Variants in ASPG observed in about 807,000 individuals in gnomAD.
ASPG encodes asparaginase.
A neutral mutation model predicts 63.2 loss-of-function variants in ASPG; 53 were observed. The ratio of observed to expected loss-of-function variants is 0.84; its 90% CI spans 0.67 to 1.05. ASPG has a LOEUF of 1.05. Ranked by LOEUF, ASPG falls within the 50% of genes least tolerant of loss-of-function variation. ASPG has a pLI of 0.00. For missense variants in ASPG, 741 were observed against 794.4 expected, an observed-to-expected ratio of 0.93 and a Z score of 0.81; for synonymous variants, 370 against 355.0, an observed-to-expected ratio of 1.04 and a Z score of -0.48.
chr14:104,099,560 G>A (rs1263039039), intron 6 of ASPG, among the ~76,000 whole-genome samples: 4 of 152,196 alleles, frequency 2.6e-5, no homozygotes, highest in Non-Finnish European at 5.9e-5. Context: ...TGGCCTGCCC[G>A]GAAGTCACTC....
At chr14:104,112,067 C>T in intron 15 of ASPG, 67 bp downstream of exon 15, 2 of 1,428,250 alleles carry the variant, frequency 1.4e-6, no homozygotes, top group Non-Finnish European at 1.9e-6. Flanking sequence ...TGGATCCTGG[C>T]TCGGGGGGGC....
rs549658676 is a variant in ASPG, at chr14:104,098,293, G to T, written c.514-560G>T. ...GTTGCAGCCAGCAGGGCTCTGAAGG[G>T]TGTCACTTTCCCTCCCCCATGTCTT... is the stretch of plus-strand genomic sequence containing the variant. On this transcript the variant is annotated intron_variant, in intron 5 of 15. Transcript: ENST00000551177. Among the ~76,000 whole-genome samples the T allele has an allele frequency of 5.8e-4, 88 of 152,296 alleles. 1 individual carries two copies. The highest frequency in any genetic ancestry group is 1.0e-3 in the Non-Finnish European group (71 of 67,998).
chr14:104,111,088 G>A (rs1327142145), intron 13 of ASPG: 7 of 985,324 alleles, frequency 7.1e-6, no homozygotes, highest in South Asian at 4.7e-5. Context: ...TGTGTAACAC[G>A]AAACTGGCGT....
chr14:104,103,418 A>G, intron 6 of ASPG, 145 bp from the exon 7 acceptor site: 1 of 670,414 alleles, frequency 1.5e-6, no homozygotes, highest in Non-Finnish European at 2.6e-6. Flanking sequence ...GCGGGAGAGG[A>G]GGCAGGGCGA....
In ASPG at chr14:104,109,890, CAG is replaced by C. The variant is rs1375172772; in HGVS notation, c.1520+576_1520+577del. ...TCATGCTGCCGAGTGACCACCGAGG[CAG>C]GCTCAGGCCTTCTGACATCATGTTG... On this transcript the variant is annotated intron_variant, in intron 13 of 15. Transcript: ENST00000551177. The surrounding 1 kb of genome is among the most constrained non-coding windows in gnomAD (Gnocchi z 4.8). 6.4e-6 allele frequency: 6 copies of C among 940,884 alleles called. No individual in the cohort carries two copies. Among genetic ancestry groups the C allele is most frequent in the Non-Finnish European group, 7.6e-6 (6 of 789,478 alleles). The allele number at this position is 940,884 out of a possible 1,614,324, so 58.3% of individuals were successfully genotyped here.
At position 104,093,652 on chromosome 14, in the gene ASPG, TGAG is replaced by T. The variant is rs771218994; in HGVS notation, c.303+52_303+54del. The T allele has an allele frequency of 1.7e-5, 15 of 861,074 alleles. No individual in the cohort carries two copies. The African/African-American group carries it at 2.9e-4, about 17-fold the overall frequency. The allele number at this position is 861,074 out of a possible 1,614,324, so 53.3% of individuals were successfully genotyped here. A position where few individuals can be genotyped will look rare whatever the true frequency, so the allele number is the denominator to read the frequency against. ...TGGGGCTGTGGTGTGTGGGTGGGGC[TGAG>T]GTGTGTGGGTGGGGCTGTGGTGTGT... On this transcript the variant is annotated intron_variant, in intron 3 of 15. Coordinates refer to ENST00000551177, the MANE Select transcript of ASPG (RefSeq NM_001080464.3).
intron 10 of ASPG, 101 bp downstream of exon 10, chr14:104,105,551 C>A: frequency 7.0e-7 from 1 of 1,429,182 alleles, no homozygotes; most frequent in Non-Finnish European, 9.3e-7. Flanking sequence ...GTAGCCATCA[C>A]TCGAGCCCAA....
At chr14:104,095,423 C>A in intron 3 of ASPG, 108 bp from the exon 4 acceptor site, 1 of 1,504,600 alleles carries the variant, frequency 6.6e-7, no homozygotes, top group Non-Finnish European at 9.0e-7. Flanking sequence ...CCACGGGTGC[C>A]TCCCCTGAGT....
In ASPG at chr14:104,112,391, C is replaced by T. The variant is rs1431470311; in HGVS notation, c.1702-133C>T. On this transcript the variant is annotated intron_variant, in intron 15 of 15. Transcript: ENST00000551177. ...CCCCATTCCCACTTGGTTGTGTGGC[C>T]CTCCCATAGTCTCAAGCTGGGTTTG... 4.4e-5 allele frequency: 31 copies of T among 698,718 alleles called. No homozygotes were observed. The Admixed American group carries it at 6.2e-4, about 14-fold the overall frequency. The allele number at this position is 698,718 out of a possible 1,614,324, so 43.3% of individuals were successfully genotyped here.
In ASPG at chr14:104,112,765, G is replaced by A. The variant is rs2037417278; in HGVS notation, c.*221G>A. On this transcript the variant is annotated 3_prime_UTR_variant, in exon 16 of 16. Transcript: ENST00000551177. ...TCTGTCTGGGTCCGGGACTGTGGAT[G>A]TGTGTGGGGAGTCAGGCCCAGGCTC... 9.5e-7 allele frequency: 1 copy of A among 1,056,978 alleles called. No homozygotes were observed. The allele number at this position is 1,056,978 out of a possible 1,614,324, so 65.5% of individuals were successfully genotyped here.
chr14:104,114,267 C>T lies in ASPG; in HGVS notation c.*1723C>T, dbSNP rs2037436391. ...GAGTGTCCTGTAGTGTAGAAACGCCCACTCATCCTGCTTGTCCCGCAGAGA... is the reference window on the plus strand; with the variant it reads ...GAGTGTCCTGTAGTGTAGAAACGCCTACTCATCCTGCTTGTCCCGCAGAGA... On this transcript the variant is annotated 3_prime_UTR_variant, in exon 16 of 16. Coordinates refer to ENST00000551177, the MANE Select transcript of ASPG (RefSeq NM_001080464.3). 2 of 152,300 alleles carry T rather than the reference C, an allele frequency of 1.3e-5. No individual in the cohort carries two copies. 9.4% of individuals were successfully genotyped at this position (152,300 alleles called of 1,614,324 possible). A position where few individuals can be genotyped will look rare whatever the true frequency, so the allele number is the denominator to read the frequency against.
Position 104,109,994 on chromosome 14 carries a change from G to C in ASPG, c.1520+679G>C, listed in dbSNP as rs1221776624. 1.0e-6 allele frequency: 1 copy of C among 985,218 alleles called. No homozygotes were observed. The highest frequency in any genetic ancestry group is 1.7e-5 in the African/African-American group (1 of 57,186). 61.0% of individuals were successfully genotyped at this position (985,218 alleles called of 1,614,324 possible). A position where few individuals can be genotyped will look rare whatever the true frequency, so the allele number is the denominator to read the frequency against. ...GGGTGGAGGTGGGCCAGGGATGCAG[G>C]GATCCTCCTCTGTCCGCCACAGCCA... On this transcript the variant is annotated intron_variant, in intron 13 of 15. Coordinates refer to ENST00000551177, the MANE Select transcript of ASPG (RefSeq NM_001080464.3). The surrounding 1 kb of genome is among the most constrained non-coding windows in gnomAD (Gnocchi z 4.8).
Position 104,105,447 on chromosome 14 carries a change from C to T in ASPG, c.1170C>T (p.Ser390=), listed in dbSNP as rs567723727. 8 of 1,591,210 alleles carry T rather than the reference C, an allele frequency of 5.0e-6. No individual in the cohort carries two copies. Among genetic ancestry groups the T allele is most frequent in the African/African-American group, 2.7e-5 (2 of 74,658 alleles). Residue 390 remains serine (S), a synonymous_variant, in exon 10 of 16, where the codon AGC becomes AGT. Transcript: ENST00000551177. ...CCTGGCTCCTCAGTCTGAGCGGCAG[C>T]CAGGTAATGGCGTGGGACACGGGCC... ...GVSWLLSLSG[S]QEADALRNAL... is the part of the protein sequence containing the mutation.
intron 15 of ASPG, 43 bp downstream of exon 15, chr14:104,112,043 T>C (rs748203818): frequency 5.2e-5 from 79 of 1,525,056 alleles, no homozygotes; most frequent in Non-Finnish European, 7.0e-5. Flanking sequence ...CCCAGTGAGC[T>C]TCTAGTGCAG....
intron 14 of ASPG, 152 bp from the exon 15 acceptor site, chr14:104,111,768 T>G (rs2037391365): frequency 8.4e-6 from 8 of 952,928 alleles, no homozygotes; most frequent in Non-Finnish European, 1.3e-5. Context: ...TTCCCGGGGC[T>G]CTGAGTGGTG....
chr14:104,110,603 T>A lies in ASPG; in HGVS notation c.1521-899T>A. On this transcript the variant is annotated intron_variant, in intron 13 of 15. Coordinates refer to ENST00000551177, the MANE Select transcript of ASPG (RefSeq NM_001080464.3). The surrounding 1 kb of genome is among the most constrained non-coding windows in gnomAD (Gnocchi z 4.7). ...GTGGGGCTTGGCCTCTTGGAGCAGG[T>A]CCAGGAGGGGCCAGTGAGGCCATCC... 1 of 985,208 alleles carries A rather than the reference T, an allele frequency of 1.0e-6. No individual in the cohort carries two copies. Among genetic ancestry groups the A allele is most frequent in the Non-Finnish European group, 1.2e-6 (1 of 829,830 alleles). The allele number at this position is 985,208 out of a possible 1,614,324, so 61.0% of individuals were successfully genotyped here.
chr14:104,091,776 G>T lies in ASPG; in HGVS notation c.83-857G>T, dbSNP rs920561410. 6.8e-6 allele frequency among the ~76,000 whole-genome samples: 1 copy of T among 147,314 alleles called. No homozygotes were observed. Among genetic ancestry groups the T allele is most frequent in the African/African-American group, 2.5e-5 (1 of 40,300 alleles). ...GGGGAAAGCAGGTGACCATGGCTGG[G>T]ATCTGCAGGATAGGATGGGGCATTG... On this transcript the variant is annotated intron_variant, in intron 1 of 15. Transcript: ENST00000551177. The surrounding 1 kb of genome is among the most constrained non-coding windows in gnomAD (Gnocchi z 6.4).
chr14:104,095,752 C>G, intron 4 of ASPG, 96 bp downstream of exon 4: 1 of 1,505,440 alleles, frequency 6.6e-7, no homozygotes, highest in Non-Finnish European at 9.0e-7. Context: ...CCCCGGGCTT[C>G]CTGCTCAGCC....
chr14:104,108,577 G>T, intron 12 of ASPG: 5 of 985,426 alleles, frequency 5.1e-6, no homozygotes, highest in Non-Finnish European at 6.0e-6. Context: ...TTGCAGGGGT[G>T]GGGGCACGGC....
Sources: gnomAD v4.1 joint callset for allele counts (sites outside exome capture counted in the v4.1 genomes callset) on GRCh38, gnomAD v4.1.1 for gene constraint, Gnocchi (gnomAD v3.1) non-coding constraint, MANE v1.5 for transcripts, NCBI Gene and HGNC (gene_info 2026-07-23, HGNC 2026-07-21) for gene names.